ATP1A3: variants seen among roughly 807,000 people sequenced by gnomAD.
The protein encoded by ATP1A3 is sodium/potassium-transporting ATPase subunit alpha-3.
ATP1A3 carries 12 observed loss-of-function variants against 108.8 expected under a neutral mutation model. That is an observed-to-expected ratio of 0.11 (90% CI 0.07 to 0.18). The LOEUF (loss-of-function observed/expected upper bound fraction) is 0.18. ATP1A3 is among the 10% of genes least tolerant of loss of function. ATP1A3 has a pLI of 1.00. For missense variants in ATP1A3, 498 were observed against 1,387.7 expected, an observed-to-expected ratio of 0.36 and a Z score of 10.19; for synonymous variants, 539 against 564.5, an observed-to-expected ratio of 0.95 and a Z score of 0.64.
Position 41,988,490 on chromosome 19 carries a change from T to G in ATP1A3, c.79A>C (p.Lys27Gln). The change falls in exon 2 of 23, where the codon AAG (lysine) becomes CAG (glutamine). Residue 27 changes from lysine (K) to glutamine (Q), a missense_variant. By Grantham distance (53) the Lys-to-Gln change is moderately conservative. Coordinates refer to ENST00000648268, the MANE Select transcript of ATP1A3 (RefSeq NM_152296.5). The surrounding 1 kb of genome is among the most constrained non-coding windows in gnomAD (Gnocchi z 5.3). The part of the protein sequence containing the change: ...KERRDLDDLK[K>Q]EVAMTEHKMS... ...GCGAGGCTTACCATAGCCACCTCCT[T>G]CTTGAGGTCATCCAGGTCCCGGCGC... 1 of 1,614,162 alleles carries G rather than the reference T, an allele frequency of 6.2e-7. No individual in the cohort carries two copies. Among genetic ancestry groups the G allele is most frequent in the Non-Finnish European group, 8.5e-7 (1 of 1,180,018 alleles).
intron 1 of ATP1A3, chr19:41,993,500 TGC>T (rs2075359240): frequency 2.7e-6 from 3 of 1,094,540 alleles, no homozygotes; most frequent in African/African-American, 2.2e-5. Flanking sequence ...CTGCGGAGCC[TGC>T]ACACACACAC....
chr19:41,972,252 AAAAAT>A (rs1390683182), intron 16 of ATP1A3, among the ~76,000 whole-genome samples: 137 of 152,010 alleles, frequency 9.0e-4, no homozygotes, highest in African/African-American at 3.2e-3. Context: ...TCCATCTCAA[AAAAAT>A]AAAATAAAAT....
chr19:41,967,410 G>A lies in ATP1A3; in HGVS notation c.2922-70C>T. 6.5e-7 allele frequency: 1 copy of A among 1,527,062 alleles called. No homozygotes were observed. Among genetic ancestry groups the A allele is most frequent in the South Asian group, 1.1e-5 (1 of 88,478 alleles). The allele number at this position is 1,527,062 out of a possible 1,614,324, so 94.6% of individuals were successfully genotyped here. Reference sequence around the variant, plus strand: ...AGAGGCAGAGTTTCAGGGGACTGGAGGGGACGCAGAGGGGCAGTCTCCCAG... The same window carrying A: ...AGAGGCAGAGTTTCAGGGGACTGGAAGGGACGCAGAGGGGCAGTCTCCCAG... On this transcript the variant is annotated intron_variant, in intron 21 of 22. Coordinates refer to ENST00000648268, the MANE Select transcript of ATP1A3 (RefSeq NM_152296.5). The surrounding 1 kb of genome is among the most constrained non-coding windows in gnomAD (Gnocchi z 4.2).
At chr19:41,969,674 A>G (rs2075081320) in intron 18 of ATP1A3, 94 bp from the exon 19 acceptor site, 19 of 1,515,688 alleles carry the variant, frequency 1.3e-5, no homozygotes, top group Middle Eastern at 1.8e-4. Flanking sequence ...CTCCTTGGAG[A>G]GGGGAGTATG....
rs566234160 is a variant in ATP1A3, at chr19:41,989,353, T to C, written c.7-791A>G. Among the ~76,000 whole-genome samples the C allele has an allele frequency of 2.8e-3, 426 of 149,738 alleles. 4 individuals carry two copies. Among genetic ancestry groups the C allele is most frequent in the African/African-American group, 0.01 (407 of 40,560 alleles). ...TTTTTTTTTGAGACGGAGTCTCGCT[T>C]AGTCGCCTAGGCTGGAGTGCAGTGG... On this transcript the variant is annotated intron_variant, in intron 1 of 22. Transcript: ENST00000648268.
At position 41,977,817 on chromosome 19, in the gene ATP1A3, A is replaced by G. The variant is rs1555861878; in HGVS notation, c.1943+119T>C. ...GAGGGCCAGACCCAGGGCCTGGTCC[A>G]TGGAGGAGTCCCAGAAAGAATGGGA... is the stretch of plus-strand genomic sequence containing the variant. On this transcript the variant is annotated intron_variant, in intron 14 of 22. Coordinates refer to ENST00000648268, the MANE Select transcript of ATP1A3 (RefSeq NM_152296.5). 3.4e-6 allele frequency: 5 copies of G among 1,455,616 alleles called. No individual in the cohort carries two copies. In the East Asian group the frequency reaches 1.2e-4, roughly 34 times the overall value. The allele number at this position is 1,455,616 out of a possible 1,614,324, so 90.2% of individuals were successfully genotyped here.
At chr19:41,992,026 C>G (rs1175521905) in intron 1 of ATP1A3, among the ~76,000 whole-genome samples, 1 of 136,734 alleles carries the variant, frequency 7.3e-6, no homozygotes, top group Admixed American at 7.0e-5. Flanking sequence ...GGGGCCTGGA[C>G]TCCTGGATCT....
chr19:41,976,344 A>G, intron 15 of ATP1A3, 72 bp downstream of exon 15: 2 of 1,594,522 alleles, frequency 1.3e-6, no homozygotes, highest in Non-Finnish European at 1.7e-6. Flanking sequence ...AGACCCAGGA[A>G]ACCAGGCCCC....
At chr19:41,993,584 AAG>A in intron 1 of ATP1A3, 1 of 1,101,156 alleles carries the variant, frequency 9.1e-7, no homozygotes, top group East Asian at 2.6e-5. Flanking sequence ...TGGAAGGAGA[AAG>A]AGAGGTCATC....
chr19:41,992,267 TG>T (rs2075347741), intron 1 of ATP1A3, among the ~76,000 whole-genome samples: 1 of 152,154 alleles, frequency 6.6e-6, no homozygotes, highest in Non-Finnish European at 1.5e-5. Flanking sequence ...CAGACCCCCT[TG>T]GGGAGCAGGC....
At chr19:41,992,042 A>G (rs1346015307) in intron 1 of ATP1A3, among the ~76,000 whole-genome samples, 3 of 55,774 alleles carry the variant, frequency 5.4e-5, no homozygotes, top group South Asian at 6.5e-4. Flanking sequence ...GATCTGAGGG[A>G]GGAGGGGCTG....
chr19:41,992,663 T>A (rs2075351519), intron 1 of ATP1A3, among the ~76,000 whole-genome samples: 1 of 151,746 alleles, frequency 6.6e-6, no homozygotes, highest in Admixed American at 6.6e-5. Context: ...TCTCTCAATG[T>A]CTCTCCATGT....
rs1555859038 is a variant in ATP1A3, at chr19:41,968,061, C to A, written c.2820-298G>T. On this transcript the variant is annotated intron_variant, in intron 20 of 22. Transcript: ENST00000648268. The surrounding 1 kb of genome is among the most constrained non-coding windows in gnomAD (Gnocchi z 5.0). ...ACAGAGAGACAGACACAGGGACAGA[C>A]ACAGAGACAGGGACAGAAACAGACA... Among the ~76,000 whole-genome samples the A allele has an allele frequency of 6.6e-6, 1 of 151,260 alleles. No individual in the cohort carries two copies. Among genetic ancestry groups the A allele is most frequent in the African/African-American group, 2.4e-5 (1 of 41,082 alleles).
chr19:41,978,757 G>A lies in ATP1A3; in HGVS notation c.1479C>T (p.Tyr493=). ...CGGGGGCACCCTTCATCACCAGCAGGTATCGGTTGTCGTTGGGGTCCTCGG... is the reference window on the plus strand; with the variant it reads ...CGGGGGCACCCTTCATCACCAGCAGATATCGGTTGTCGTTGGGGTCCTCGG... The part of the protein sequence containing the change: ...HETEDPNDNR[Y]LLVMKGAPER... The change falls in exon 12 of 23, where the codon TAC becomes TAT. Residue 493 remains tyrosine, a synonymous_variant. Transcript: ENST00000648268. The surrounding 1 kb of genome is among the most constrained non-coding windows in gnomAD (Gnocchi z 8.3). 1 of 1,614,086 alleles carries A rather than the reference G, an allele frequency of 6.2e-7. No individual in the cohort carries two copies. Among genetic ancestry groups the A allele is most frequent in the East Asian group, 2.2e-5 (1 of 44,868 alleles).
intron 1 of ATP1A3, 170 bp downstream of exon 1, chr19:41,993,901 C>A: frequency 7.9e-7 from 1 of 1,259,614 alleles, no homozygotes; most frequent in Non-Finnish European, 1.1e-6. Context: ...CCCCCGCCGC[C>A]CCCTGCGGCC....
chr19:41,967,390 CAG>C lies in ATP1A3; in HGVS notation c.2922-52_2922-51del. ...TTGAGTGCGGGGCCCTAACGAGAGG[CAG>C]AGTTTCAGGGGACTGGAGGGGACGC... On this transcript the variant is annotated intron_variant, in intron 21 of 22. Transcript: ENST00000648268. The surrounding 1 kb of genome is among the most constrained non-coding windows in gnomAD (Gnocchi z 4.2). 2 of 1,575,980 alleles carry C rather than the reference CAG, an allele frequency of 1.3e-6. No homozygotes were observed. The highest frequency in any genetic ancestry group is 1.1e-5 in the South Asian group (1 of 90,378).
rs374157034 is a variant in ATP1A3 at position 41,970,234 on chromosome 19, C to T, written c.2493G>A (p.Thr831=). ...IMKRQPRNPR[T]DKLVNERLIS... is the part of the protein sequence containing the mutation. The stretch of plus-strand genomic sequence containing the variant: ...TGAGTCTCTCATTGACCAATTTGTC[C>T]GTCCGCGGGTTCCTGGGCTGTCTCT... The change falls in exon 18 of 23, where the codon ACG becomes ACA. Residue 831 remains threonine (T), a synonymous_variant. Transcript: ENST00000648268. 213 of 1,614,090 alleles carry T rather than the reference C, an allele frequency of 1.3e-4. 1 individual carries two copies. Among genetic ancestry groups the T allele is most frequent in the Middle Eastern group, 8.2e-4 (5 of 6,084 alleles).
chr19:41,982,088 C>A lies in ATP1A3; in HGVS notation c.1012G>T (p.Ala338Ser). 1 of 1,614,154 alleles carries A rather than the reference C, an allele frequency of 6.2e-7. No individual in the cohort carries two copies. ...ATVTVCLTLT[A>S]KRMARKNCLV... is the part of the protein sequence containing the mutation. ...CAGTTCTTCCGGGCCATGCGCTTGGCGGTCAGCGTCAGACACACCTGGAGG... is the reference window on the plus strand; with the variant it reads ...CAGTTCTTCCGGGCCATGCGCTTGGAGGTCAGCGTCAGACACACCTGGAGG... Residue 338 changes from alanine (A) to serine (S), a missense_variant, in exon 9 of 23, where the codon GCC (alanine) becomes TCC (serine). Coordinates refer to ENST00000648268, the MANE Select transcript of ATP1A3 (RefSeq NM_152296.5).
In ATP1A3 at chr19:41,967,494, G is replaced by A. The variant is rs577933395; in HGVS notation, c.2922-154C>T. Among the ~76,000 whole-genome samples the A allele has an allele frequency of 3.9e-5, 6 of 152,068 alleles. No homozygotes were observed. The highest frequency in any genetic ancestry group is 2.6e-4 in the Admixed American group (4 of 15,280). ...GGCGGGGCTGGGGCCTGGGGTCTTC[G>A]GAGTAATCCGTGGTGGGAGCAGCCT... On this transcript the variant is annotated intron_variant, in intron 21 of 22. Transcript: ENST00000648268. The surrounding 1 kb of genome is among the most constrained non-coding windows in gnomAD (Gnocchi z 4.2).
Sources: allele counts gnomAD v4.1 joint callset (sites outside exome capture counted in the v4.1 genomes callset), GRCh38; gene constraint gnomAD v4.1.1; non-coding constraint Gnocchi (gnomAD v3.1); transcripts MANE v1.5; gene names NCBI Gene and HGNC (gene_info 2026-07-23, HGNC 2026-07-21).